PPP2R2C: variants seen among roughly 807,000 people sequenced by gnomAD.
PPP2R2C encodes the protein protein phosphatase 2 regulatory subunit Bgamma.
PPP2R2C carries 10 observed loss-of-function variants against 45.3 expected under a neutral mutation model. The observed-to-expected ratio is 0.22, with a 90% CI of 0.14 to 0.37. The LOEUF (loss-of-function observed/expected upper bound fraction) is 0.37. Among genes scored for constraint, PPP2R2C ranks in the 10% least tolerant of loss-of-function variants. The probability of loss-of-function intolerance (pLI) is 1.00; values close to 1 mark genes in which losing one functional copy is unlikely to be tolerated. For synonymous variants in PPP2R2C, 257 were observed against 245.4 expected (o/e 1.05, Z -0.44); for missense variants, 308 against 619.7 (o/e 0.50, Z 5.34).
chr4:6,498,542 A>G (rs904059313), intron 2 of PPP2R2C, among the ~76,000 whole-genome samples: 22 of 152,194 alleles, frequency 1.4e-4, no homozygotes, highest in Non-Finnish European at 2.9e-4. Context: ...AAAAAATAGC[A>G]ATGGGGTGGA....
rs1318756000 is a variant in PPP2R2C at position 6,364,170 on chromosome 4, T to G, written c.625+8353A>C. Among the ~76,000 whole-genome samples the G allele has an allele frequency of 6.6e-6, 1 of 152,126 alleles. No individual in the cohort carries two copies. The highest frequency in any genetic ancestry group is 1.9e-4 in the East Asian group (1 of 5,180). On this transcript the variant is annotated intron_variant, in intron 5 of 8. Transcript: ENST00000382599. This position sits in a 1 kb window ranked among gnomAD's most constrained non-coding sequence, Gnocchi z 5.3. ...GGGAGTCATGGAGGGGATGGACTAGTTCCGACAGACTGGTCAAGGAAGGCC... is the reference window on the plus strand; with the variant it reads ...GGGAGTCATGGAGGGGATGGACTAGGTCCGACAGACTGGTCAAGGAAGGCC...
intron 2 of PPP2R2C, among the ~76,000 whole-genome samples, chr4:6,511,885 G>A (rs1324111046): frequency 4.8e-4 from 23 of 48,014 alleles, no homozygotes; most frequent in East Asian, 2.2e-3. Flanking sequence ...GGTGGTGGTG[G>A]TGGTGGTGAT....
At chr4:6,421,212 G>T in intron 1 of PPP2R2C, 1 of 831,036 alleles carries the variant, frequency 1.2e-6, no homozygotes, top group South Asian at 5.5e-5. Flanking sequence ...CCTGGACCCA[G>T]GAGCCAATGC....
chr4:6,484,951 G>A (rs547733969), intron 2 of PPP2R2C, among the ~76,000 whole-genome samples: 22 of 151,740 alleles, frequency 1.4e-4, no homozygotes, highest in Non-Finnish European at 2.1e-4. Flanking sequence ...CTATAACGTC[G>A]AGAAGAATGT....
At chr4:6,408,481 T>C (rs1181124804) in intron 1 of PPP2R2C, among the ~76,000 whole-genome samples, 4 of 152,090 alleles carry the variant, frequency 2.6e-5, no homozygotes, top group East Asian at 3.9e-4. Context: ...CATCTTTCTC[T>C]CCCAGGATGG....
intron 2 of PPP2R2C, among the ~76,000 whole-genome samples, chr4:6,516,965 C>A (rs1472335546): frequency 6.6e-6 from 1 of 152,228 alleles, no homozygotes; most frequent in Non-Finnish European, 1.5e-5. Context: ...AGCTCAGGAA[C>A]TGGGGACACG....
chr4:6,558,379 C>T (rs2108845542), intron 1 of PPP2R2C, among the ~76,000 whole-genome samples: 2 of 152,294 alleles, frequency 1.3e-5, no homozygotes, highest in Middle Eastern at 6.8e-3. Flanking sequence ...GAAGGCCACC[C>T]ATGCAAGGTC....
At chr4:6,499,330 T>G (rs1004505795) in intron 2 of PPP2R2C, among the ~76,000 whole-genome samples, 6 of 152,180 alleles carry the variant, frequency 3.9e-5, no homozygotes, top group African/African-American at 1.4e-4. Context: ...TCTGGAGCAC[T>G]GTGGAGCGCA....
intron 5 of PPP2R2C, among the ~76,000 whole-genome samples, chr4:6,362,133 G>A (rs1713811968): frequency 6.6e-6 from 1 of 152,104 alleles, no homozygotes; most frequent in Non-Finnish European, 1.5e-5. Flanking sequence ...GAGGGTGAGA[G>A]CCAGGCTGGA....
At chr4:6,376,417 T>C (rs1255401877) in intron 3 of PPP2R2C, among the ~76,000 whole-genome samples, 1 of 150,786 alleles carries the variant, frequency 6.6e-6, no homozygotes, top group Non-Finnish European at 1.5e-5. Context: ...AAAGATGACC[T>C]TTTCTGTAGA....
At chr4:6,517,833 A>G (rs1723872416) in intron 2 of PPP2R2C, among the ~76,000 whole-genome samples, 1 of 152,156 alleles carries the variant, frequency 6.6e-6, no homozygotes, top group Non-Finnish European at 1.5e-5. Context: ...CCCTACCTAC[A>G]AACTCTCCAG....
intron 6 of PPP2R2C, among the ~76,000 whole-genome samples, chr4:6,344,491 G>A (rs958312216): frequency 1.7e-4 from 26 of 152,126 alleles, no homozygotes; most frequent in Non-Finnish European, 3.2e-4. Flanking sequence ...GAGCCAAAGG[G>A]GGTCTGACTG....
In PPP2R2C at chr4:6,320,838, T is replaced by C. The variant is rs1055038008; in HGVS notation, c.*2464A>G. On this transcript the variant is annotated 3_prime_UTR_variant, in exon 9 of 9. Coordinates refer to ENST00000382599, the MANE Select transcript of PPP2R2C (RefSeq NM_020416.4). The stretch of plus-strand genomic sequence containing the variant: ...CAAAACCAAAAAAACCCCAACAACT[T>C]CACAATGACTATGTGAACGCCCGTA... 1 of 151,450 alleles carries C rather than the reference T, an allele frequency of 6.6e-6. No individual in the cohort carries two copies. The highest frequency in any genetic ancestry group is 2.4e-5 in the African/African-American group (1 of 41,258). The allele number at this position is 151,450 out of a possible 1,614,324, so 9.4% of individuals were successfully genotyped here. A position where few individuals can be genotyped will look rare whatever the true frequency, so the allele number is the denominator to read the frequency against.
rs755137211 is a variant in PPP2R2C, at chr4:6,324,274, A to T, written c.1053-681T>A. 3.9e-5 allele frequency among the ~76,000 whole-genome samples: 6 copies of T among 152,050 alleles called. No individual in the cohort carries two copies. The highest frequency in any genetic ancestry group is 8.8e-5 in the Non-Finnish European group (6 of 68,010). ...TGATGAAACCCTGTCTCTACTAAAA[A>T]TACAAAAATTAGCTGGACATGGTGG... On this transcript the variant is annotated intron_variant, in intron 8 of 8. Transcript: ENST00000382599. The surrounding 1 kb of genome is among the most constrained non-coding windows in gnomAD (Gnocchi z 4.1).
At chr4:6,492,542 C>G (rs1722728684) in intron 2 of PPP2R2C, among the ~76,000 whole-genome samples, 1 of 152,322 alleles carries the variant, frequency 6.6e-6, no homozygotes, top group Admixed American at 6.5e-5. Flanking sequence ...CCACGCCAAC[C>G]CCCCACCCAT....
In PPP2R2C at chr4:6,472,453, G is replaced by A; in HGVS notation, c.-224C>T. 5.4e-6 allele frequency: 2 copies of A among 371,646 alleles called. No homozygotes were observed. Among genetic ancestry groups the A allele is most frequent in the Non-Finnish European group, 7.4e-6 (2 of 271,962 alleles). The allele number at this position is 371,646 out of a possible 1,614,324, so 23.0% of individuals were successfully genotyped here. A position where few individuals can be genotyped will look rare whatever the true frequency, so the allele number is the denominator to read the frequency against. ...GTGGGCGGGCGGCGGCCGCGGGTTC[G>A]GGCGGGCCGGGGCCCAGGCGCGCAT... is the stretch of plus-strand genomic sequence containing the variant. On this transcript the variant is annotated 5_prime_UTR_variant, in exon 1 of 9. Transcript: ENST00000382599.
chr4:6,450,366 A>C (rs1720673448), intron 1 of PPP2R2C, among the ~76,000 whole-genome samples: 1 of 152,222 alleles, frequency 6.6e-6, no homozygotes, highest in Non-Finnish European at 1.5e-5. Flanking sequence ...CACTTTAACC[A>C]GAACATGGGG....
intron 5 of PPP2R2C, among the ~76,000 whole-genome samples, chr4:6,355,029 CTTGT>C (rs929375768): frequency 1.3e-5 from 2 of 152,138 alleles, no homozygotes; most frequent in Non-Finnish European, 2.9e-5. Flanking sequence ...TTTATTTTAC[CTTGT>C]TTAATTATAG....
chr4:6,456,941 C>T (rs10937731), intron 1 of PPP2R2C, among the ~76,000 whole-genome samples: 27,830 of 152,078 alleles, frequency 0.18, 2,734 homozygotes, highest in East Asian at 0.38. Flanking sequence ...GGTGCGGTGG[C>T]TTGCGCCTAT....
Sources: gnomAD v4.1 joint callset for allele counts (sites outside exome capture counted in the v4.1 genomes callset) on GRCh38, gnomAD v4.1.1 for gene constraint, Gnocchi (gnomAD v3.1) non-coding constraint, MANE v1.5 for transcripts, NCBI Gene and HGNC (gene_info 2026-07-23, HGNC 2026-07-21) for gene names.